The following PSMA1 variants were observed in gnomAD, a reference collection of about 807,000 sequenced individuals.
The protein encoded by PSMA1 is proteasome 20S subunit alpha 1.
Under a neutral mutation model 38.4 loss-of-function variants are expected in PSMA1, and 3 were observed. The ratio of observed to expected loss-of-function variants is 0.08; its 90% CI spans 0.04 to 0.20. The LOEUF (loss-of-function observed/expected upper bound fraction) is 0.20, where lower values mean the gene tolerates loss of function less well. PSMA1 is among the 10% of genes least tolerant of loss of function. PSMA1 has a pLI of 1.00. For synonymous variants in PSMA1, 101 were observed against 107.1 expected (o/e 0.94, Z 0.35); for missense variants, 227 against 325.3 (o/e 0.70, Z 2.32).
intron 2 of PSMA1, among the ~76,000 whole-genome samples, chr11:14,571,640 CA>C (rs1484806864): frequency 1.3e-5 from 2 of 152,182 alleles, no homozygotes; most frequent in African/African-American, 4.8e-5. Context: ...ATCATAATGA[CA>C]GGATCAAATT....
intron 2 of PSMA1, among the ~76,000 whole-genome samples, chr11:14,573,690 G>A (rs1852177192): frequency 6.6e-6 from 1 of 152,110 alleles, no homozygotes; most frequent in Admixed American, 6.6e-5. Flanking sequence ...AAGAAATAAA[G>A]GGTATTCAAT....
At chr11:14,543,369 G>A (rs1851793069) in intron 2 of PSMA1, among the ~76,000 whole-genome samples, 1 of 152,138 alleles carries the variant, frequency 6.6e-6, no homozygotes, top group Non-Finnish European at 1.5e-5. Context: ...CTGTGGATTT[G>A]GCAGTGGCTT....
In PSMA1 at chr11:14,549,384, TC is replaced by T. The variant is rs1266089799; in HGVS notation, c.22-30344del. Among the ~76,000 whole-genome samples the T allele has an allele frequency of 3.9e-5, 6 of 152,148 alleles. No homozygotes were observed. The South Asian group carries it at 6.2e-4, about 16-fold the overall frequency. On this transcript the variant is annotated intron_variant, in intron 2 of 10. Coordinates refer to the PSMA1 transcript ENST00000418988. The stretch of plus-strand genomic sequence containing the variant: ...TTATATGCAATCTGATTTTGTGATT[TC>T]CTGAAATGGAAATCAAACCTAAAGA...
At chr11:14,609,414 G>C (rs1210117337) in intron 2 of PSMA1, among the ~76,000 whole-genome samples, 1 of 152,146 alleles carries the variant, frequency 6.6e-6, no homozygotes, top group Non-Finnish European at 1.5e-5. Flanking sequence ...TGCCTTCATG[G>C]AGCAAAATTG....
At chr11:14,573,324 G>T (rs1400650943) in intron 2 of PSMA1, among the ~76,000 whole-genome samples, 6 of 152,070 alleles carry the variant, frequency 3.9e-5, no homozygotes, top group African/African-American at 1.4e-4. Flanking sequence ...ATGATCAAGG[G>T]GGCTTCGTCC....
At chr11:14,569,580 G>T (rs1218496612) in intron 2 of PSMA1, among the ~76,000 whole-genome samples, 2 of 152,194 alleles carry the variant, frequency 1.3e-5, no homozygotes. Context: ...CTGGCTCAGG[G>T]GGTCCCACAC....
chr11:14,630,335 TC>T (rs1157609069), intron 1 of PSMA1, among the ~76,000 whole-genome samples: 1 of 152,216 alleles, frequency 6.6e-6, no homozygotes, highest in African/African-American at 2.4e-5. Flanking sequence ...TTGAGATACG[TC>T]CCATCAATAC....
chr11:14,604,550 C>T (rs991185555), intron 2 of PSMA1, among the ~76,000 whole-genome samples: 2 of 152,086 alleles, frequency 1.3e-5, no homozygotes, highest in African/African-American at 4.8e-5. Context: ...CTTGAAATCA[C>T]CTCTTTTTAA....
chr11:14,614,712 T>A (rs930450787), intron 1 of PSMA1, among the ~76,000 whole-genome samples: 2 of 152,200 alleles, frequency 1.3e-5, no homozygotes, highest in African/African-American at 4.8e-5. Context: ...GTTCTGTTCA[T>A]TAAATCTTCA....
At chr11:14,533,182 G>A (rs1565038468) in intron 2 of PSMA1, among the ~76,000 whole-genome samples, 1 of 152,188 alleles carries the variant, frequency 6.6e-6, no homozygotes, top group Non-Finnish European at 1.5e-5. Flanking sequence ...CCATGCTGGT[G>A]AGAAATTCTA....
At chr11:14,602,359 G>A (rs1157519227) in intron 2 of PSMA1, among the ~76,000 whole-genome samples, 1 of 152,092 alleles carries the variant, frequency 6.6e-6, no homozygotes, top group Non-Finnish European at 1.5e-5. Flanking sequence ...CATTTGTTTG[G>A]GAGAAAAGAG....
intron 2 of PSMA1, among the ~76,000 whole-genome samples, chr11:14,548,067 A>G (rs879407261): frequency 1.3e-5 from 2 of 152,082 alleles, no homozygotes; most frequent in Non-Finnish European, 2.9e-5. Context: ...ACAGATAATA[A>G]TAATGATAGC....
intron 2 of PSMA1, among the ~76,000 whole-genome samples, chr11:14,576,130 GT>G (rs1403915311): frequency 1.3e-5 from 2 of 151,978 alleles, no homozygotes; most frequent in African/African-American, 2.4e-5. Flanking sequence ...TTGTATATTT[GT>G]TTTTTTCTTG....
At chr11:14,641,674 G>T (rs1056608632) in intron 1 of PSMA1, among the ~76,000 whole-genome samples, 18 of 152,104 alleles carry the variant, frequency 1.2e-4, no homozygotes, top group Non-Finnish European at 1.5e-5. Flanking sequence ...TTGTGAAGAG[G>T]GCTTTGGATT....
intron 9 of PSMA1, among the ~76,000 whole-genome samples, chr11:14,505,666 G>A (rs1476377578): frequency 6.6e-6 from 1 of 151,934 alleles, no homozygotes; most frequent in Non-Finnish European, 1.5e-5. Flanking sequence ...AAAAAAAAGA[G>A]TAAGAAAAAG....
intron 1 of PSMA1, among the ~76,000 whole-genome samples, chr11:14,628,973 A>C (rs2133716952): frequency 6.6e-6 from 1 of 150,748 alleles, no homozygotes; most frequent in South Asian, 2.1e-4. Flanking sequence ...TTCTTTTGAG[A>C]AGTGTCTGTT....
intron 2 of PSMA1, among the ~76,000 whole-genome samples, chr11:14,526,601 C>T (rs1258264927): frequency 1.3e-5 from 2 of 152,268 alleles, no homozygotes; most frequent in East Asian, 1.9e-4. Context: ...GACGCATATA[C>T]TTTCTGCTCC....
rs537007872 is a variant in PSMA1, at chr11:14,575,351, C to A, written c.21+35615G>T. Among the ~76,000 whole-genome samples, 5 of 152,104 alleles carry A rather than the reference C, an allele frequency of 3.3e-5. No homozygotes were observed. In the South Asian group the frequency reaches 1.0e-3, roughly 32 times the overall value. On this transcript the variant is annotated intron_variant, in intron 2 of 10. Transcript: ENST00000418988. The stretch of plus-strand genomic sequence containing the variant: ...TGTATACATGTGCCATGTTGGTGTG[C>A]TGCATCCATTAACTCGTCATTTACA...
intron 7 of PSMA1, among the ~76,000 whole-genome samples, chr11:14,511,444 C>T (rs543459311): frequency 1.8e-4 from 27 of 152,104 alleles, no homozygotes; most frequent in African/African-American, 6.5e-4. Flanking sequence ...CCTGGCAACA[C>T]ATTAAAAAAA....
Sources: gnomAD v4.1 joint callset for allele counts (sites outside exome capture counted in the v4.1 genomes callset) on GRCh38, gnomAD v4.1.1 for gene constraint, MANE v1.5 for transcripts, NCBI Gene and HGNC (gene_info 2026-07-23, HGNC 2026-07-21) for gene names.